COL5A1: variants seen among roughly 807,000 people sequenced by gnomAD.
COL5A1 encodes collagen type V alpha 1 chain, also known as collagen alpha-1(V) chain.
COL5A1 carries 16 observed loss-of-function variants against 263.7 expected under a neutral mutation model. That is an observed-to-expected ratio of 0.06 (90% CI 0.04 to 0.09). The LOEUF (loss-of-function observed/expected upper bound fraction) is 0.09. COL5A1 is among the 10% of genes least tolerant of loss of function. The probability of loss-of-function intolerance (pLI) is 1.00; values close to 1 mark genes in which losing one functional copy is unlikely to be tolerated. For missense variants in COL5A1, 2,036 were observed against 2,540.5 expected, an observed-to-expected ratio of 0.80 and a Z score of 4.27; for synonymous variants, 1,012 against 1,004.5, an observed-to-expected ratio of 1.01 and a Z score of -0.14.
chr9:134,719,373 CCTG>C (rs1241066811), intron 4 of COL5A1, among the ~76,000 whole-genome samples: 1 of 152,248 alleles, frequency 6.6e-6, no homozygotes, highest in East Asian at 1.9e-4. Context: ...CATATGGCCT[CCTG>C]CACCCATGTG....
intron 19 of COL5A1, 102 bp downstream of exon 19, chr9:134,762,080 G>A (rs944609086): frequency 2.2e-5 from 27 of 1,236,814 alleles, no homozygotes; most frequent in Non-Finnish European, 3.2e-5. Context: ...GGATTGGCCT[G>A]CCGCATGTGG....
chr9:134,824,461 G>A (rs1463906375), intron 61 of COL5A1, 139 bp from the exon 62 acceptor site: 48 of 1,033,350 alleles, frequency 4.6e-5, no homozygotes, highest in Middle Eastern at 2.2e-4. Context: ...GTTCTAAGGC[G>A]GACAGATGTC....
chr9:134,716,393 C>T lies in COL5A1; in HGVS notation c.655-10873C>T, dbSNP rs1005381490. ...TGGGGAGCCTGGACCGAGTGAACAT[C>T]CCCTGTGCTCAGCGATGCCCCGTGT... On this transcript the variant is annotated intron_variant, in intron 4 of 65. Coordinates refer to ENST00000371817, the MANE Select transcript of COL5A1 (RefSeq NM_000093.5). The surrounding 1 kb of genome is among the most constrained non-coding windows in gnomAD (Gnocchi z 4.5). 1.3e-5 allele frequency among the ~76,000 whole-genome samples: 2 copies of T among 152,130 alleles called. No individual in the cohort carries two copies. Among genetic ancestry groups the T allele is most frequent in the African/African-American group, 4.8e-5 (2 of 41,428 alleles).
Position 134,727,391 on chromosome 9 carries a change from T to C in COL5A1, c.780T>C (p.Asp260=), listed in dbSNP as rs1588476059. ...CACAGTCGCAGGACCCCAATCCAGA[T>C]GAATATGTGAGTTAACTCTGGCTGG... ...DTPQSQDPNP[D]EYYTEGDGEG... is the part of the protein sequence containing the mutation. Residue 260 remains aspartate (D), a synonymous_variant, in exon 5 of 66, where the codon GAT becomes GAC. Transcript: ENST00000371817. The C allele has an allele frequency of 1.2e-6, 2 of 1,613,980 alleles. No individual in the cohort carries two copies. Among genetic ancestry groups the C allele is most frequent in the Non-Finnish European group, 1.7e-6 (2 of 1,179,986 alleles).
chr9:134,774,919 G>C lies in COL5A1; in HGVS notation c.2385+7G>C. On this transcript the variant is annotated splice_region_variant and intron_variant, in intron 27 of 65. Coordinates refer to ENST00000371817, the MANE Select transcript of COL5A1 (RefSeq NM_000093.5). The stretch of plus-strand genomic sequence containing the variant: ...AGGTCCTCGAGGAGTCAAGGTGAGA[G>C]AGACTCACGCCACTCCAGGTCGTCC... The C allele has an allele frequency of 6.2e-7, 1 of 1,613,066 alleles. No individual in the cohort carries two copies. The highest frequency in any genetic ancestry group is 8.5e-7 in the Non-Finnish European group (1 of 1,179,526).
intron 42 of COL5A1, 90 bp from the exon 43 acceptor site, chr9:134,809,093 C>G (rs545754847): frequency 8.8e-7 from 1 of 1,141,310 alleles, no homozygotes; most frequent in Non-Finnish European, 1.3e-6. Context: ...CCACTTCCTG[C>G]CAGCGGATCC....
chr9:134,682,607 G>C lies in COL5A1; in HGVS notation c.110-8305G>C, dbSNP rs944849012. Among the ~76,000 whole-genome samples the C allele has an allele frequency of 6.6e-6, 1 of 152,230 alleles. No individual in the cohort carries two copies. The highest frequency in any genetic ancestry group is 1.5e-5 in the Non-Finnish European group (1 of 68,042). ...AGGGCGCAGGAATCCCGGAGGTCAG[G>C]CAGGTGGGCGAGTCAGAACTGAGGG... On this transcript the variant is annotated intron_variant, in intron 1 of 65. Transcript: ENST00000371817. The surrounding 1 kb of genome is among the most constrained non-coding windows in gnomAD (Gnocchi z 5.1).
chr9:134,672,814 G>A (rs1832574766), intron 1 of COL5A1, among the ~76,000 whole-genome samples: 1 of 152,170 alleles, frequency 6.6e-6, no homozygotes, highest in South Asian at 2.1e-4. Context: ...AAAAAGTTTA[G>A]CATGGCGACA....
chr9:134,754,168 G>T lies in COL5A1; in HGVS notation c.1774-105G>T. The T allele has an allele frequency of 7.9e-7, 1 of 1,260,062 alleles. No homozygotes were observed. The highest frequency in any genetic ancestry group is 1.1e-6 in the Non-Finnish European group (1 of 876,322). The allele number at this position is 1,260,062 out of a possible 1,614,324, so 78.1% of individuals were successfully genotyped here. On this transcript the variant is annotated intron_variant, in intron 15 of 65. Coordinates refer to ENST00000371817, the MANE Select transcript of COL5A1 (RefSeq NM_000093.5). The surrounding 1 kb of genome is among the most constrained non-coding windows in gnomAD (Gnocchi z 4.3). The stretch of plus-strand genomic sequence containing the variant: ...GAAGTGCCCACATGTTTGTGGCTTG[G>T]ACAGCCAGGCATGGGCAGGGTCGAT...
chr9:134,802,802 A>G (rs1374482435), intron 38 of COL5A1, 86 bp from the exon 39 acceptor site: 1 of 1,019,076 alleles, frequency 9.8e-7, no homozygotes, highest in South Asian at 1.4e-5. Flanking sequence ...GTCCATGACC[A>G]GGGCTGTCCT....
chr9:134,817,134 C>T (rs374314968), intron 53 of COL5A1, 55 bp downstream of exon 53: 180 of 1,490,318 alleles, frequency 1.2e-4, no homozygotes, highest in African/African-American at 9.6e-4. Flanking sequence ...GAAACACCCC[C>T]GCCCCTCCCC....
intron 4 of COL5A1, among the ~76,000 whole-genome samples, chr9:134,722,429 G>A (rs1286119711): frequency 1.3e-5 from 2 of 152,228 alleles, no homozygotes; most frequent in East Asian, 1.9e-4. Context: ...ACCAGTGCCA[G>A]CACCTTATGC....
chr9:134,728,545 G>T lies in COL5A1; in HGVS notation c.787-125G>T, dbSNP rs796427992. On this transcript the variant is annotated intron_variant, in intron 5 of 65. Coordinates refer to ENST00000371817, the MANE Select transcript of COL5A1 (RefSeq NM_000093.5). ...AACCCCATCCGGGGACCCACAGGGA[G>T]GTTCACGCCTGGGGCTGGACGGGGC... 39 of 1,365,794 alleles carry T rather than the reference G, an allele frequency of 2.9e-5. No homozygotes were observed. In the African/African-American group the frequency reaches 4.5e-4, roughly 16 times the overall value. The allele number at this position is 1,365,794 out of a possible 1,614,324, so 84.6% of individuals were successfully genotyped here.
rs1393610396 is a variant in COL5A1 at position 134,822,089 on chromosome 9, C to T, written c.4555-8C>T. 7 of 1,609,068 alleles carry T rather than the reference C, an allele frequency of 4.4e-6. No individual in the cohort carries two copies. Among genetic ancestry groups the T allele is most frequent in the African/African-American group, 1.3e-5 (1 of 74,874 alleles). ...AGGTGATAACCTGCATTTTCTGGTC[C>T]TTTTCAGGGTATCACTGGTCCTTCT... On this transcript the variant is annotated splice_region_variant and splice_polypyrimidine_tract_variant and intron_variant, in intron 58 of 65. Coordinates refer to ENST00000371817, the MANE Select transcript of COL5A1 (RefSeq NM_000093.5).
chr9:134,788,234 A>G (rs906827832), intron 31 of COL5A1, among the ~76,000 whole-genome samples: 1 of 139,004 alleles, frequency 7.2e-6, no homozygotes, highest in Non-Finnish European at 1.5e-5. Flanking sequence ...AGGTAGACAC[A>G]TGGATAGACA....
At chr9:134,693,755 T>A (rs1588443294) in intron 2 of COL5A1, among the ~76,000 whole-genome samples, 2 of 152,248 alleles carry the variant, frequency 1.3e-5, no homozygotes, top group East Asian at 3.8e-4. Context: ...CCACCCCACT[T>A]GGCTTGTGGG....
rs143972598 is a variant in COL5A1, at chr9:134,759,600, CCA to C, written c.1935+1308_1935+1309del. Among the ~76,000 whole-genome samples the C allele has an allele frequency of 1.5e-4, 16 of 104,446 alleles. 2 individuals carry two copies. Among genetic ancestry groups the C allele is most frequent in the African/African-American group, 7.2e-4 (14 of 19,514 alleles). The allele number at this position is 104,446 out of a possible 152,430, so 68.5% of individuals were successfully genotyped here. On this transcript the variant is annotated intron_variant, in intron 18 of 65. Transcript: ENST00000371817. ...CACACCCCCACACATGCATACACCC[CCA>C]CACCCCCACACACATATGCACACAT...
At chr9:134,676,820 T>C (rs1220178627) in intron 1 of COL5A1, among the ~76,000 whole-genome samples, 1 of 149,024 alleles carries the variant, frequency 6.7e-6, no homozygotes, top group African/African-American at 2.5e-5. Flanking sequence ...GTTGGTTTGA[T>C]CATCTGTTGA....
chr9:134,731,995 A>G, intron 8 of COL5A1, 76 bp from the exon 9 acceptor site: 4 of 1,550,466 alleles, frequency 2.6e-6, no homozygotes, highest in Admixed American at 1.7e-5. Flanking sequence ...GAAATCGGGC[A>G]GATTTTGTGT....
Sources: allele counts gnomAD v4.1 joint callset (sites outside exome capture counted in the v4.1 genomes callset), GRCh38; gene constraint gnomAD v4.1.1; non-coding constraint Gnocchi (gnomAD v3.1); transcripts MANE v1.5; gene names NCBI Gene and HGNC (gene_info 2026-07-23, HGNC 2026-07-21).